The following DNAH7 variants were observed in gnomAD, a reference collection of about 807,000 sequenced individuals.
DNAH7 encodes axonemal beta dynein heavy chain 7.
DNAH7 carries 397 observed loss-of-function variants against 444.6 expected under a neutral mutation model. The observed-to-expected ratio is 0.89, with a 90% CI of 0.82 to 0.97. The LOEUF (loss-of-function observed/expected upper bound fraction) is 0.97, where lower values mean the gene tolerates loss of function less well. Among genes scored for constraint, DNAH7 ranks in the 50% least tolerant of loss-of-function variants. DNAH7 has a pLI of 0.00. For missense variants in DNAH7, 4,902 were observed against 4,800.8 expected (o/e 1.02, Z -0.62); for synonymous variants, 1,636 against 1,624.4 (o/e 1.01, Z -0.17).
Position 195,872,281 on chromosome 2 carries a change from G to T in DNAH7, c.6602C>A (p.Thr2201Lys), listed in dbSNP as rs756831237. ...AACCCAAAGACGTTTAATCACTTCTGTGGTTTCTGTTGTTTCTGGTCTTGA... is the reference window on the plus strand; with the variant it reads ...AACCCAAAGACGTTTAATCACTTCTTTGGTTTCTGTTGTTTCTGGTCTTGA... Reference protein sequence around the residue: ...CLSRPETTETTEVIKRLWVHE... With the variant: ...CLSRPETTETKEVIKRLWVHE... Residue 2201 changes from threonine to lysine, a missense_variant, in exon 40 of 65, where the codon ACA (threonine) becomes AAA (lysine). Physicochemically the swap from Thr to Lys is moderately conservative, Grantham distance 78. Transcript: ENST00000312428. 1 of 1,613,762 alleles carries T rather than the reference G, an allele frequency of 6.2e-7. No homozygotes were observed. The highest frequency in any genetic ancestry group is 8.5e-7 in the Non-Finnish European group (1 of 1,179,824).
At chr2:195,942,954 T>C (rs1185480586) in intron 19 of DNAH7, among the ~76,000 whole-genome samples, 3 of 152,120 alleles carry the variant, frequency 2.0e-5, no homozygotes, top group Non-Finnish European at 2.9e-5. Context: ...CTGTGTGTCA[T>C]AGGAGGGACC....
Position 195,824,366 on chromosome 2 carries a change from C to A in DNAH7, c.9180G>T (p.Gly3060=), listed in dbSNP as rs189257440. The A allele has an allele frequency of 2.5e-5, 40 of 1,613,844 alleles. No homozygotes were observed. Among genetic ancestry groups the A allele is most frequent in the Admixed American group, 3.3e-5 (2 of 60,000 alleles). The change falls in exon 49 of 65, where the codon GGG becomes GGT. Residue 3060 remains glycine (G), a synonymous_variant. Transcript: ENST00000312428. ...AGTCCCCAAGCCGGATACATGTACT[C>A]CCACCCTGCTTAAAGGTTTGTTTTA... is the stretch of plus-strand genomic sequence containing the variant. ...LLLKQTFKQG[G]STCIRLGDST... is the part of the protein sequence containing the mutation.
At chr2:195,856,016 T>TA in intron 44 of DNAH7, 25 bp from the exon 45 acceptor site, 2 of 1,593,498 alleles carry the variant, frequency 1.3e-6, no homozygotes, top group Non-Finnish European at 1.7e-6. Flanking sequence ...ATTGAAAAAT[T>TA]AAATATTCAT....
chr2:195,984,559 ATT>A lies in DNAH7; in HGVS notation c.1833+71_1833+72del. On this transcript the variant is annotated intron_variant, in intron 15 of 64. Coordinates refer to ENST00000312428, the MANE Select transcript of DNAH7 (RefSeq NM_018897.3). ...TTAATCTGTCTTAACTTTTCGAGTG[ATT>A]TGTTACTCCGCATTATTGTGTCAAT... is the stretch of plus-strand genomic sequence containing the variant. The A allele has an allele frequency of 2.8e-6, 4 of 1,413,078 alleles. No homozygotes were observed. The South Asian group carries it at 4.7e-5, about 17-fold the overall frequency. The allele number at this position is 1,413,078 out of a possible 1,614,324, so 87.5% of individuals were successfully genotyped here. A position where few individuals can be genotyped will look rare whatever the true frequency, so the allele number is the denominator to read the frequency against.
At chr2:195,858,837 T>A (rs781423427) in intron 42 of DNAH7, 33 bp from the exon 43 acceptor site, 1 of 1,550,434 alleles carries the variant, frequency 6.4e-7, no homozygotes, top group Non-Finnish European at 8.7e-7. Flanking sequence ...AAGTTAATCA[T>A]GAGGCTCTGT....
At chr2:195,929,274 A>T (rs1434698479) in intron 21 of DNAH7, among the ~76,000 whole-genome samples, 1 of 152,344 alleles carries the variant, frequency 6.6e-6, no homozygotes, top group East Asian at 1.9e-4. Flanking sequence ...TAGAAAAATC[A>T]GTATCATTAA....
chr2:195,750,446 C>T lies in DNAH7; in HGVS notation c.11764+3891G>A, dbSNP rs559286427. ...ACTTCAACCCAAATGTGACCCTCTG[C>T]GTATTATAATAATACAAAAAGAACT... On this transcript the variant is annotated intron_variant, in intron 63 of 64. Transcript: ENST00000312428. Among the ~76,000 whole-genome samples the T allele has an allele frequency of 3.9e-5, 6 of 152,110 alleles. No individual in the cohort carries two copies. In the South Asian group the frequency reaches 6.2e-4, roughly 16 times the overall value.
chr2:195,946,655 C>A (rs1336657890), intron 19 of DNAH7, among the ~76,000 whole-genome samples: 1 of 152,130 alleles, frequency 6.6e-6, no homozygotes, highest in East Asian at 1.9e-4. Flanking sequence ...AGAAAATGTT[C>A]TTTTACCCTC....
chr2:195,834,448 A>G (rs1370110947), intron 47 of DNAH7, 88 bp from the exon 48 acceptor site: 2 of 1,369,758 alleles, frequency 1.5e-6, no homozygotes, highest in African/African-American at 1.4e-5. Flanking sequence ...TCACTTTTTA[A>G]AAGTTTGCCC....
chr2:195,850,272 G>A (rs1467217023), intron 46 of DNAH7, among the ~76,000 whole-genome samples: 1 of 147,956 alleles, frequency 6.8e-6, no homozygotes, highest in East Asian at 1.9e-4. Flanking sequence ...TGGATTTGCT[G>A]GCATAAGGTC....
Position 195,875,771 on chromosome 2 carries a change from T to C in DNAH7, c.6190A>G (p.Arg2064Gly). 6.2e-7 allele frequency: 1 copy of C among 1,613,894 alleles called. No individual in the cohort carries two copies. Among genetic ancestry groups the C allele is most frequent in the South Asian group, 1.1e-5 (1 of 91,016 alleles). The change falls in exon 38 of 65, where the codon AGA becomes GGA. Residue 2064 changes from arginine to glycine, a missense_variant. By Grantham distance (125) the Arg-to-Gly change is moderately radical (BLOSUM62 -2). Coordinates refer to ENST00000312428, the MANE Select transcript of DNAH7 (RefSeq NM_018897.3). The part of the protein sequence containing the change: ...YGAQPPIELL[R>G]QWLDHWNWYD... ...CAGTTCCAGTGGTCTAACCACTGTC[T>C]AAGTAACTCAATGGGAGGTTGAGCC... is the stretch of plus-strand genomic sequence containing the variant.
chr2:195,740,249 T>G (rs1001862708), intron 64 of DNAH7, among the ~76,000 whole-genome samples: 4 of 152,112 alleles, frequency 2.6e-5, no homozygotes, highest in Admixed American at 6.5e-5. Flanking sequence ...CCTCCCAAAG[T>G]GCTGAGATTA....
Position 195,817,812 on chromosome 2 carries a change from G to T in DNAH7, c.9309C>A (p.Phe3103Leu), listed in dbSNP as rs1697294202. 1 of 1,594,872 alleles carries T rather than the reference G, an allele frequency of 6.3e-7. No homozygotes were observed. Among genetic ancestry groups the T allele is most frequent in the African/African-American group, 1.4e-5 (1 of 73,732 alleles). Reference sequence around the variant, plus strand: ...CTTGCATTCCCTCAGGGGTTATCATGAAGTTTAATAATGTTACCTATAAAT... The same window carrying T: ...CTTGCATTCCCTCAGGGGTTATCATTAAGTTTAATAATGTTACCTATAAAT... ...ETSVKVTLLN[F>L]MITPEGMQDQ... Residue 3103 changes from phenylalanine (F) to leucine (L), a missense_variant, in exon 50 of 65, where the codon TTC becomes TTA. Transcript: ENST00000312428.
rs1202646647 is a variant in DNAH7 at position 195,773,311 on chromosome 2, C to T, written c.11203-1421G>A. On this transcript the variant is annotated intron_variant, in intron 60 of 64. Coordinates refer to ENST00000312428, the MANE Select transcript of DNAH7 (RefSeq NM_018897.3). ...CTAAAACTAATGAAATATCTAATTC[C>T]ATTATATTTAAAGAATCTATGCTGA... Among the ~76,000 whole-genome samples the T allele has an allele frequency of 4.0e-5, 6 of 151,622 alleles. No homozygotes were observed. In the South Asian group the frequency reaches 1.3e-3, roughly 32 times the overall value.
intron 61 of DNAH7, among the ~76,000 whole-genome samples, chr2:195,766,018 TACACA>T (rs1409942011): frequency 6.6e-6 from 1 of 152,032 alleles, no homozygotes; most frequent in Non-Finnish European, 1.5e-5. Flanking sequence ...GTGGTACTTA[TACACA>T]ACAGTGTATT....
At chr2:195,809,608 T>C in intron 52 of DNAH7, 137 bp downstream of exon 52, 4 of 757,690 alleles carry the variant, frequency 5.3e-6, no homozygotes, top group Non-Finnish European at 7.1e-6. Context: ...TGATAACATC[T>C]TGCCTTAACT....
intron 39 of DNAH7, 82 bp downstream of exon 39, chr2:195,873,486 G>A (rs899428576): frequency 1.1e-6 from 1 of 904,552 alleles, no homozygotes; most frequent in Non-Finnish European, 1.5e-6. Flanking sequence ...TTTGTTCTTT[G>A]AAATACGCTA....
intron 1 of DNAH7, among the ~76,000 whole-genome samples, chr2:196,061,913 A>G (rs1368073687): frequency 6.6e-6 from 1 of 152,184 alleles, no homozygotes; most frequent in Non-Finnish European, 1.5e-5. Flanking sequence ...TACAATAAAA[A>G]GAGCTTCTAC....
At chr2:196,062,522 G>A (rs1018895384) in intron 1 of DNAH7, among the ~76,000 whole-genome samples, 2 of 152,170 alleles carry the variant, frequency 1.3e-5, no homozygotes, top group East Asian at 3.9e-4. Flanking sequence ...CCTAAGTTTT[G>A]TAATGACCTA....
Sources: allele counts gnomAD v4.1 joint callset (sites outside exome capture counted in the v4.1 genomes callset), GRCh38; gene constraint gnomAD v4.1.1; transcripts MANE v1.5; gene names NCBI Gene and HGNC (gene_info 2026-07-23, HGNC 2026-07-21).